The following AP1G1 variants were observed in gnomAD, a reference collection of about 807,000 sequenced individuals.
The protein encoded by AP1G1 is AP-1 complex subunit gamma-1.
Under a neutral mutation model 108.3 loss-of-function variants are expected in AP1G1, and 7 were observed. The observed-to-expected ratio is 0.06, with a 90% CI of 0.04 to 0.12. The LOEUF (loss-of-function observed/expected upper bound fraction) is 0.12, where lower values mean the gene tolerates loss of function less well. AP1G1 is among the 10% of genes least tolerant of loss of function. The pLI, the probability that AP1G1 is intolerant of heterozygous loss-of-function variation, is 1.00. For synonymous variants in AP1G1, 379 were observed against 353.5 expected (o/e 1.07, Z -0.81); for missense variants, 756 against 1,010.7 (o/e 0.75, Z 3.42).
intron 2 of AP1G1, among the ~76,000 whole-genome samples, chr16:71,781,247 T>C (rs926617392): frequency 2.0e-5 from 3 of 152,194 alleles, no homozygotes; most frequent in East Asian, 1.9e-4. Flanking sequence ...AAAATCTATA[T>C]AGACCAGAGT....
In AP1G1 at chr16:71,730,303, C is replaced by T. The variant is rs1332947483; in HGVS notation, c.*2755G>A. On this transcript the variant is annotated 3_prime_UTR_variant, in exon 23 of 23. Transcript: ENST00000299980. The stretch of plus-strand genomic sequence containing the variant: ...GAATTAATTCTCCTTTAGGATTCCC[C>T]GGGATGGGGCAGAAACTAGAATAGA... 2 of 147,278 alleles carry T rather than the reference C, an allele frequency of 1.4e-5. No homozygotes were observed. The highest frequency in any genetic ancestry group is 5.0e-5 in the African/African-American group (2 of 40,348). The allele number at this position is 147,278 out of a possible 1,614,324, so 9.1% of individuals were successfully genotyped here.
rs2031229119 is a variant in AP1G1 at position 71,764,355 on chromosome 16, A to G, written c.913T>C (p.Leu305=). 2.5e-6 allele frequency: 4 copies of G among 1,587,686 alleles called. No homozygotes were observed. The highest frequency in any genetic ancestry group is 2.3e-5 in the East Asian group (1 of 44,198). ...AAAGATTCAAAAAGACTTACTCGCA[A>G]TCCACTCTCTGACTTAATATCCATG... ...TIMDIKSESG[L]RVLAINILGR... is the part of the protein sequence containing the mutation. Residue 305 remains leucine (L), a synonymous_variant, in exon 9 of 23, where the codon TTG becomes CTG. Coordinates refer to ENST00000299980, the MANE Select transcript of AP1G1 (RefSeq NM_001128.6).
chr16:71,760,187 AAGG>A (rs2031009298), intron 10 of AP1G1, among the ~76,000 whole-genome samples: 1 of 151,512 alleles, frequency 6.6e-6, no homozygotes, highest in East Asian at 1.9e-4. Context: ...TGTTCTTTAG[AAGG>A]AGAAGATAAC....
At chr16:71,755,889 C>T (rs2030760197) in intron 12 of AP1G1, 130 bp downstream of exon 12, 1 of 940,510 alleles carries the variant, frequency 1.1e-6, no homozygotes, top group Non-Finnish European at 1.6e-6. Flanking sequence ...CATGATCCAC[C>T]TGCCTTGGCC....
intron 2 of AP1G1, among the ~76,000 whole-genome samples, chr16:71,778,762 T>G: frequency 6.6e-6 from 1 of 150,394 alleles, no homozygotes; most frequent in African/African-American, 2.4e-5. Context: ...GATAAAGGTT[T>G]GGGGGGAAAA....
chr16:71,807,185 G>A (rs1367596347), intron 1 of AP1G1, among the ~76,000 whole-genome samples: 1 of 151,778 alleles, frequency 6.6e-6, no homozygotes, highest in African/African-American at 2.4e-5. Flanking sequence ...TAGCACTTTG[G>A]GAGGCCGAGG....
intron 1 of AP1G1, among the ~76,000 whole-genome samples, chr16:71,800,289 T>C (rs1445375729): frequency 1.4e-5 from 2 of 144,492 alleles, no homozygotes; most frequent in African/African-American, 2.6e-5. Flanking sequence ...GAGAATGGCG[T>C]GAACCCAGGA....
intron 5 of AP1G1, 95 bp from the exon 6 acceptor site, chr16:71,769,794 A>C: frequency 9.7e-7 from 1 of 1,025,646 alleles, no homozygotes; most frequent in East Asian, 2.5e-5. Flanking sequence ...TTCCAAAAGG[A>C]TAGTTGCTAC....
chr16:71,766,769 A>C (rs1348573726), intron 6 of AP1G1, among the ~76,000 whole-genome samples: 3 of 152,226 alleles, frequency 2.0e-5, no homozygotes, highest in Non-Finnish European at 4.4e-5. Flanking sequence ...CATTAAGGCC[A>C]CTTATAAACA....
intron 21 of AP1G1, among the ~76,000 whole-genome samples, chr16:71,738,046 ACT>A (rs1375110647): frequency 6.6e-6 from 1 of 151,794 alleles, no homozygotes; most frequent in African/African-American, 2.4e-5. Flanking sequence ...TTTATTTAGA[ACT>A]CTTTGTTTGT....
chr16:71,779,488 G>A (rs2031921540), intron 2 of AP1G1, among the ~76,000 whole-genome samples: 1 of 151,828 alleles, frequency 6.6e-6, no homozygotes, highest in Non-Finnish European at 1.5e-5. Flanking sequence ...CTACAGATGC[G>A]TGCCACCAAC....
chr16:71,739,594 A>G (rs991823888), intron 19 of AP1G1, among the ~76,000 whole-genome samples: 1 of 152,046 alleles, frequency 6.6e-6, no homozygotes, highest in Non-Finnish European at 1.5e-5. Context: ...ACAAAAAAAA[A>G]TACAAAAATT....
chr16:71,765,685 C>G, intron 6 of AP1G1, 101 bp from the exon 7 acceptor site: 1 of 850,606 alleles, frequency 1.2e-6, no homozygotes, highest in Non-Finnish European at 2.0e-6. Flanking sequence ...GGGTCCCAGT[C>G]CAAGCAAATT....
rs1396266186 is a variant in AP1G1 at position 71,748,251 on chromosome 16, T to C, written c.1625A>G (p.Asn542Ser). ...CACCCTATGTTTCTTCAATACTCAC[T>C]TTACAGTACAAGTGAATCGAGTGGA... is the stretch of plus-strand genomic sequence containing the variant. ...KLSTRFTCTV[N>S]RIKKVVSIYG... is the part of the protein sequence containing the mutation. Residue 542 changes from asparagine to serine, a missense_variant and splice_region_variant, in exon 16 of 23, where the codon AAC (asparagine) becomes AGC (serine). Asn to Ser is a conservative substitution (Grantham distance 46). Around this residue, in one of 3 missense-constraint regions of AP1G1, gnomAD observed 357 missense variants for 366.5 expected, o/e 0.97. Transcript: ENST00000299980. 1.9e-6 allele frequency: 3 copies of C among 1,612,728 alleles called. No homozygotes were observed. The highest frequency in any genetic ancestry group is 2.5e-6 in the Non-Finnish European group (3 of 1,179,768).
chr16:71,760,376 C>T lies in AP1G1; in HGVS notation c.974+1136G>A, dbSNP rs138677023. On this transcript the variant is annotated intron_variant, in intron 10 of 22. Coordinates refer to ENST00000299980, the MANE Select transcript of AP1G1 (RefSeq NM_001128.6). ...CAGCCAACATGGTGAAACCCCGTCT[C>T]TACTAAAAATACAAAAAAATTAGCT... Among the ~76,000 whole-genome samples, 1,061 of 151,848 alleles carry T rather than the reference C, an allele frequency of 7.0e-3. 23 individuals carry two copies. The highest frequency in any genetic ancestry group is 0.024 in the African/African-American group (1,009 of 41,412).
At chr16:71,796,021 A>G (rs2032573713) in intron 1 of AP1G1, among the ~76,000 whole-genome samples, 1 of 152,132 alleles carries the variant, frequency 6.6e-6, no homozygotes, top group South Asian at 2.1e-4. Flanking sequence ...TAGACTGCTC[A>G]AGTCCAGGAG....
At chr16:71,786,872 G>C (rs2032222302) in intron 2 of AP1G1, among the ~76,000 whole-genome samples, 1 of 152,076 alleles carries the variant, frequency 6.6e-6, no homozygotes, top group Non-Finnish European at 1.5e-5. Flanking sequence ...AAATGAGCCT[G>C]AGCAACACAG....
At chr16:71,773,045 A>G in intron 4 of AP1G1, 176 bp downstream of exon 4, 1 of 776,244 alleles carries the variant, frequency 1.3e-6, no homozygotes, top group Non-Finnish European at 2.2e-6. Flanking sequence ...TTTGTTTATA[A>G]ATCATTTCCT....
intron 1 of AP1G1, among the ~76,000 whole-genome samples, chr16:71,806,335 G>C (rs539955181): frequency 2.6e-5 from 4 of 152,282 alleles, no homozygotes; most frequent in East Asian, 3.9e-4. Context: ...ACTTTGCTAG[G>C]AATTTGTTAA....
Sources: gnomAD v4.1 joint callset for allele counts (sites outside exome capture counted in the v4.1 genomes callset) on GRCh38, gnomAD v4.1.1 for gene constraint, gnomAD v4.1.1 regional missense constraint, MANE v1.5 for transcripts, NCBI Gene and HGNC (gene_info 2026-07-23, HGNC 2026-07-21) for gene names.